The following FHIP1A variants were observed in gnomAD, a reference collection of about 807,000 sequenced individuals.
FHIP1A encodes FHF complex subunit HOOK-interacting protein 1A.
In FHIP1A, 61 loss-of-function variants were observed where a neutral mutation model predicts 88.6. The observed-to-expected ratio is 0.69, with a 90% CI of 0.56 to 0.85. The LOEUF (loss-of-function observed/expected upper bound fraction) is 0.85. FHIP1A is among the 40% of genes least tolerant of loss of function. The pLI is 0.00. For missense variants in FHIP1A, 1,154 were observed against 1,273.5 expected, an observed-to-expected ratio of 0.91 and a Z score of 1.43; for synonymous variants, 478 against 496.0, an observed-to-expected ratio of 0.96 and a Z score of 0.48.
At chr4:151,612,776 G>A (rs1295120739) in intron 7 of FHIP1A, among the ~76,000 whole-genome samples, 1 of 152,158 alleles carries the variant, frequency 6.6e-6, no homozygotes, top group Non-Finnish European at 1.5e-5. Context: ...AGGCTCTCAG[G>A]CTTAAATTTT....
chr4:151,615,485 G>T (rs1735486919), intron 7 of FHIP1A, among the ~76,000 whole-genome samples: 1 of 152,144 alleles, frequency 6.6e-6, no homozygotes, highest in Non-Finnish European at 1.5e-5. Flanking sequence ...CTTCATAAAT[G>T]GTAGCTATTT....
chr4:151,566,095 T>C (rs1733375394), intron 3 of FHIP1A, 43 bp from the exon 4 acceptor site: 3 of 484,440 alleles, frequency 6.2e-6, no homozygotes, highest in Non-Finnish European at 1.1e-5. Context: ...CTATTTAATT[T>C]ATGAACATAA....
intron 1 of FHIP1A, among the ~76,000 whole-genome samples, chr4:151,425,437 T>C (rs976632612): frequency 2.6e-5 from 4 of 152,144 alleles, no homozygotes; most frequent in Non-Finnish European, 4.4e-5. Flanking sequence ...AAGTTATATA[T>C]TATAAATATA....
intron 1 of FHIP1A, 116 bp downstream of exon 1, chr4:151,409,581 T>TGCGGGCATTGGGCTGAGGGA (rs1334871782): frequency 3.3e-5 from 5 of 151,022 alleles, no homozygotes; most frequent in African/African-American, 7.4e-5. Context: ...GGGCAGGGGG[T>TGCGGGCATTGGGCTGAGGGA]GCGGGCATTG....
chr4:151,536,363 T>C (rs1269131531), intron 3 of FHIP1A, among the ~76,000 whole-genome samples: 1 of 152,224 alleles, frequency 6.6e-6, no homozygotes, highest in Non-Finnish European at 1.5e-5. Context: ...AGTTTGTATA[T>C]CTACCACCAA....
intron 1 of FHIP1A, among the ~76,000 whole-genome samples, chr4:151,426,634 T>G (rs1016192773): frequency 3.3e-5 from 5 of 152,156 alleles, no homozygotes; most frequent in African/African-American, 1.2e-4. Flanking sequence ...GCCAGGCAGA[T>G]GAAATCAAGA....
intron 2 of FHIP1A, among the ~76,000 whole-genome samples, chr4:151,456,920 A>G (rs563261467): frequency 1.1e-4 from 17 of 152,166 alleles, no homozygotes; most frequent in Non-Finnish European, 2.4e-4. Context: ...TATAGCTTGA[A>G]AAAAACCTAT....
chr4:151,566,715 T>C (rs941905329), intron 4 of FHIP1A, among the ~76,000 whole-genome samples: 2 of 152,214 alleles, frequency 1.3e-5, no homozygotes, highest in African/African-American at 4.8e-5. Context: ...CTTCCAGTTC[T>C]TAAGCTCTAA....
At chr4:151,507,085 T>C (rs1730860540) in intron 3 of FHIP1A, among the ~76,000 whole-genome samples, 2 of 152,158 alleles carry the variant, frequency 1.3e-5, no homozygotes, top group Admixed American at 1.3e-4. Flanking sequence ...AGTGATTCAT[T>C]CCACTACCTC....
chr4:151,523,810 T>C (rs900477665), intron 3 of FHIP1A, among the ~76,000 whole-genome samples: 8 of 152,234 alleles, frequency 5.3e-5, no homozygotes, highest in African/African-American at 1.9e-4. Flanking sequence ...TCCAATGATC[T>C]ATTAATACTA....
intron 3 of FHIP1A, among the ~76,000 whole-genome samples, chr4:151,549,352 A>G (rs919989990): frequency 6.6e-6 from 1 of 152,134 alleles, no homozygotes; most frequent in Non-Finnish European, 1.5e-5. Flanking sequence ...GATTCTTTGA[A>G]GAGAAACTTG....
Position 151,650,522 on chromosome 4 carries a change from A to C in FHIP1A, c.2481A>C (p.Pro827=). The C allele has an allele frequency of 6.4e-7, 1 of 1,551,504 alleles. No homozygotes were observed. Among genetic ancestry groups the C allele is most frequent in the East Asian group, 2.4e-5 (1 of 40,930 alleles). Residue 827 remains proline (P), a synonymous_variant, in exon 11 of 14, where the codon CCA becomes CCC. Transcript: ENST00000435205. ...CTGCTGTAGAGACTGTGCCTTCCCCATTTGTGGGGAGAGATGAGGCTGCCT... is the reference window on the plus strand; with the variant it reads ...CTGCTGTAGAGACTGTGCCTTCCCCCTTTGTGGGGAGAGATGAGGCTGCCT... ...EMPAVETVPS[P]FVGRDEAAFA...
chr4:151,546,769 C>T (rs950386428), intron 3 of FHIP1A, among the ~76,000 whole-genome samples: 6 of 152,144 alleles, frequency 3.9e-5, no homozygotes, highest in African/African-American at 9.7e-5. Flanking sequence ...GACATACACA[C>T]GCAACATGTT....
chr4:151,493,332 TAA>T (rs1730349556), intron 3 of FHIP1A, among the ~76,000 whole-genome samples: 1 of 151,902 alleles, frequency 6.6e-6, no homozygotes, highest in Admixed American at 6.6e-5. Flanking sequence ...GAAACAGTAA[TAA>T]AAAAATTGCC....
At chr4:151,541,819 T>C (rs746961835) in intron 3 of FHIP1A, among the ~76,000 whole-genome samples, 3 of 152,234 alleles carry the variant, frequency 2.0e-5, no homozygotes, top group Non-Finnish European at 4.4e-5. Context: ...GTTGCTCCTT[T>C]ACACAATAGA....
At chr4:151,463,956 A>G (rs889123424) in intron 2 of FHIP1A, among the ~76,000 whole-genome samples, 4 of 152,210 alleles carry the variant, frequency 2.6e-5, no homozygotes, top group East Asian at 1.9e-4. Flanking sequence ...TTCCTACCAG[A>G]CATGAATATG....
chr4:151,494,798 A>G (rs1404091647), intron 3 of FHIP1A, among the ~76,000 whole-genome samples: 5 of 152,168 alleles, frequency 3.3e-5, no homozygotes, highest in Non-Finnish European at 7.3e-5. Context: ...CTTCCTCTCC[A>G]TGAGCATGGA....
chr4:151,640,826 CTGCTCAT>C (rs1479787025), intron 9 of FHIP1A, among the ~76,000 whole-genome samples: 1 of 152,118 alleles, frequency 6.6e-6, no homozygotes, highest in African/African-American at 2.4e-5. Context: ...CACCCTTTTA[CTGCTCAT>C]ATAGTGGTGT....
At chr4:151,628,240 C>T (rs892543592) in intron 7 of FHIP1A, among the ~76,000 whole-genome samples, 18 of 152,102 alleles carry the variant, frequency 1.2e-4, no homozygotes, top group Admixed American at 5.2e-4. Flanking sequence ...AATGACTTCT[C>T]GTTAGATACT....
Sources: allele counts gnomAD v4.1 joint callset (sites outside exome capture counted in the v4.1 genomes callset), GRCh38; gene constraint gnomAD v4.1.1; transcripts MANE v1.5; gene names NCBI Gene and HGNC (gene_info 2026-07-23, HGNC 2026-07-21).